The following CNTNAP4 variants were observed in gnomAD, a reference collection of about 807,000 sequenced individuals.
CNTNAP4 encodes the protein contactin-associated protein-like 4.
Under a neutral mutation model 148.4 loss-of-function variants are expected in CNTNAP4, and 98 were observed. The observed-to-expected ratio is 0.66, with a 90% CI of 0.56 to 0.78. CNTNAP4 has a LOEUF of 0.78. Among genes scored for constraint, CNTNAP4 ranks in the 30% least tolerant of loss-of-function variants. The probability of loss-of-function intolerance (pLI) is 0.00; values close to 1 mark genes in which losing one functional copy is unlikely to be tolerated. For synonymous variants in CNTNAP4, 730 were observed against 565.1 expected (o/e 1.29, Z -4.14); for missense variants, 1,935 against 1,565.6 (o/e 1.24, Z -3.98).
At position 76,389,721 on chromosome 16, in the gene CNTNAP4, C is replaced by G. The variant is rs562920447; in HGVS notation, c.390+34210C>G. On this transcript the variant is annotated intron_variant, in intron 3 of 23. Coordinates refer to ENST00000611870, the MANE Select transcript of CNTNAP4 (RefSeq NM_033401.5). ...GAATTCCTCATCTGCCTGACTCAGC[C>G]TCCCAAAGTGCTGGGATTACGGGCG... 2.0e-5 allele frequency among the ~76,000 whole-genome samples: 3 copies of G among 152,258 alleles called. No homozygotes were observed. In the South Asian group the frequency reaches 6.2e-4, roughly 32 times the overall value.
intron 3 of CNTNAP4, among the ~76,000 whole-genome samples, chr16:76,394,946 C>A (rs1236403966): frequency 6.6e-6 from 1 of 152,100 alleles, no homozygotes; most frequent in Non-Finnish European, 1.5e-5. Context: ...CTTTTACCAC[C>A]GTGATACCAG....
rs144096858 is a variant in CNTNAP4 at position 76,555,607 on chromosome 16, A to C, written c.3733+1700A>C. On this transcript the variant is annotated intron_variant, in intron 23 of 23. Transcript: ENST00000611870. Reference sequence around the variant, plus strand: ...TAGAAATATAGAGTGGTATATAGTCATCAAGCCAATGCTAGAACAAAATAT... The same window carrying C: ...TAGAAATATAGAGTGGTATATAGTCCTCAAGCCAATGCTAGAACAAAATAT... 1.3e-3 allele frequency among the ~76,000 whole-genome samples: 201 copies of C among 152,354 alleles called. 1 individual carries two copies. Among genetic ancestry groups the C allele is most frequent in the African/African-American group, 4.7e-3 (195 of 41,594 alleles).
rs2084373305 is a variant in CNTNAP4 at position 76,539,833 on chromosome 16, A to G, written c.3335A>G (p.Glu1112Gly). The G allele has an allele frequency of 1.9e-6, 3 of 1,596,950 alleles. No homozygotes were observed. The highest frequency in any genetic ancestry group is 2.3e-5 in the South Asian group (2 of 87,488). ...QLHHIMINREEGVVFIEIDDN... is the reference protein window; with the variant it reads ...QLHHIMINREGGVVFIEIDDN... ...CACCACATAATGATTAACAGAGAAG[A>G]AGGAGTGGTCTTTATAGAGGTAATG... Residue 1112 changes from glutamate (E) to glycine (G), a missense_variant, in exon 20 of 24, where the codon GAA becomes GGA. By Grantham distance (98) the Glu-to-Gly change is moderately conservative (BLOSUM62 -2). Coordinates refer to ENST00000611870, the MANE Select transcript of CNTNAP4 (RefSeq NM_033401.5).
At chr16:76,429,788 C>G (rs146614204) in intron 4 of CNTNAP4, among the ~76,000 whole-genome samples, 127 of 152,242 alleles carry the variant, frequency 8.3e-4, no homozygotes, top group African/African-American at 3.0e-3. Context: ...ACTTCATTTG[C>G]TATATTTGGG....
At chr16:76,416,080 A>G (rs1485267749) in intron 3 of CNTNAP4, among the ~76,000 whole-genome samples, 1 of 150,856 alleles carries the variant, frequency 6.6e-6, no homozygotes, top group Non-Finnish European at 1.5e-5. Context: ...TCTTCTTCTG[A>G]TATCCATGGG....
chr16:76,534,263 G>A (rs1353956539), intron 17 of CNTNAP4, among the ~76,000 whole-genome samples: 1 of 152,162 alleles, frequency 6.6e-6, no homozygotes, highest in Non-Finnish European at 1.5e-5. Context: ...ACTGTTCTTT[G>A]TGCTGGATAT....
At chr16:76,304,176 C>T (rs1409968346) in intron 1 of CNTNAP4, among the ~76,000 whole-genome samples, 4 of 152,128 alleles carry the variant, frequency 2.6e-5, no homozygotes, top group South Asian at 2.1e-4. Context: ...ATCCTCATTT[C>T]GAGATAGGAA....
At chr16:76,401,714 C>T (rs1238711330) in intron 3 of CNTNAP4, among the ~76,000 whole-genome samples, 3 of 152,118 alleles carry the variant, frequency 2.0e-5, no homozygotes, top group East Asian at 3.9e-4. Context: ...AAGTATGTTC[C>T]TTCAATACCT....
At chr16:76,528,663 C>G (rs1247672249) in intron 17 of CNTNAP4, among the ~76,000 whole-genome samples, 1 of 152,200 alleles carries the variant, frequency 6.6e-6, no homozygotes, top group Non-Finnish European at 1.5e-5. Context: ...TTCACCCTCT[C>G]TGCTAAAAGC....
At chr16:76,488,305 T>A (rs374841263) in intron 12 of CNTNAP4, among the ~76,000 whole-genome samples, 1 of 152,202 alleles carries the variant, frequency 6.6e-6, no homozygotes, top group Non-Finnish European at 1.5e-5. Context: ...CGTAATTTCA[T>A]TGGCTGGTAG....
intron 23 of CNTNAP4, chr16:76,557,470 GT>G (rs2085245298): frequency 6.6e-6 from 1 of 152,100 alleles, no homozygotes; most frequent in African/African-American, 2.4e-5. Flanking sequence ...CTTTATTTCT[GT>G]TTCCCATTTT....
chr16:76,297,514 G>C (rs1380793155), intron 1 of CNTNAP4, among the ~76,000 whole-genome samples: 1 of 152,198 alleles, frequency 6.6e-6, no homozygotes, highest in South Asian at 2.1e-4. Context: ...TAAATTCTTA[G>C]TACTGAGGAA....
At chr16:76,326,179 A>G (rs563112490) in intron 2 of CNTNAP4, among the ~76,000 whole-genome samples, 12 of 152,192 alleles carry the variant, frequency 7.9e-5, no homozygotes, top group Non-Finnish European at 1.6e-4. Context: ...AAGAAAGGAA[A>G]ATTAAAAGCC....
rs2085339842 is a variant in CNTNAP4 at position 76,559,598 on chromosome 16, T to G, written c.*915T>G. Reference sequence around the variant, plus strand: ...TAATACCTCAAATGAAATATACTTATGAGACTATTTTGCCCAAACCTAGAT... The same window carrying G: ...TAATACCTCAAATGAAATATACTTAGGAGACTATTTTGCCCAAACCTAGAT... On this transcript the variant is annotated 3_prime_UTR_variant, in exon 24 of 24. Transcript: ENST00000611870. 6.6e-6 allele frequency among the ~76,000 whole-genome samples: 1 copy of G among 152,204 alleles called. No homozygotes were observed. Among genetic ancestry groups the G allele is most frequent in the African/African-American group, 2.4e-5 (1 of 41,456 alleles).
intron 10 of CNTNAP4, among the ~76,000 whole-genome samples, chr16:76,472,961 A>G (rs1469501526): frequency 1.3e-5 from 2 of 152,192 alleles, no homozygotes; most frequent in Non-Finnish European, 2.9e-5. Context: ...TTAAAATAAG[A>G]GTTAAAAAAT....
In CNTNAP4 at chr16:76,456,913, C is replaced by T. The variant is rs138112716; in HGVS notation, c.1333+4144C>T. On this transcript the variant is annotated intron_variant, in intron 8 of 23. Coordinates refer to ENST00000611870, the MANE Select transcript of CNTNAP4 (RefSeq NM_033401.5). ...TTTCCTCTCTGAGCCTCATTTTCTCCGTATTTAAGGTGAGAATGATAAGTT... is the reference window on the plus strand; with the variant it reads ...TTTCCTCTCTGAGCCTCATTTTCTCTGTATTTAAGGTGAGAATGATAAGTT... Among the ~76,000 whole-genome samples, 175 of 152,104 alleles carry T rather than the reference C, an allele frequency of 1.2e-3. 2 individuals are homozygous for T. In the East Asian group the frequency reaches 0.027, roughly 24 times the overall value.
At position 76,421,600 on chromosome 16, in the gene CNTNAP4, TA is replaced by T. The variant is rs1252260445; in HGVS notation, c.391-5851del. The stretch of plus-strand genomic sequence containing the variant: ...TAGATAACCTTTTGGGAGGCACATT[TA>T]GTAAAGATTTATACCTGACATCATA... On this transcript the variant is annotated intron_variant, in intron 3 of 23. Transcript: ENST00000611870. Among the ~76,000 whole-genome samples the T allele has an allele frequency of 4.6e-5, 7 of 152,262 alleles. No individual in the cohort carries two copies. In the East Asian group the frequency reaches 7.7e-4, roughly 17 times the overall value.
chr16:76,480,636 G>C (rs979113013), intron 12 of CNTNAP4, among the ~76,000 whole-genome samples: 2 of 152,232 alleles, frequency 1.3e-5, no homozygotes, highest in South Asian at 4.2e-4. Context: ...TACTCAGGAG[G>C]CTGAGGCAAG....
chr16:76,379,964 C>G (rs1306969595), intron 3 of CNTNAP4, among the ~76,000 whole-genome samples: 3 of 152,140 alleles, frequency 2.0e-5, no homozygotes, highest in African/African-American at 4.8e-5. Flanking sequence ...AAGTCCTTGA[C>G]TACGAGTATT....
Sources: gnomAD v4.1 joint callset for allele counts (sites outside exome capture counted in the v4.1 genomes callset) on GRCh38, gnomAD v4.1.1 for gene constraint, MANE v1.5 for transcripts, NCBI Gene and HGNC (gene_info 2026-07-23, HGNC 2026-07-21) for gene names.